PRDM14: variants seen among roughly 807,000 people sequenced by gnomAD.
The protein encoded by PRDM14 is PR/SET domain 14.
Under a neutral mutation model 48.0 loss-of-function variants are expected in PRDM14, and 16 were observed. That is an observed-to-expected ratio of 0.33 (90% confidence interval 0.23 to 0.51). The LOEUF is 0.51. Among genes scored for constraint, PRDM14 ranks in the 20% least tolerant of loss-of-function variants. PRDM14 has a pLI of 0.97. For synonymous variants in PRDM14, 264 were observed against 276.6 expected, an observed-to-expected ratio of 0.95 and a Z score of 0.45; for missense variants, 566 against 719.6, an observed-to-expected ratio of 0.79 and a Z score of 2.44.
chr8:70,063,589 T>C (rs577566839), intron 5 of PRDM14, among the ~76,000 whole-genome samples: 4 of 151,910 alleles, frequency 2.6e-5, no homozygotes, highest in African/African-American at 9.6e-5. Context: ...AGTGGCGCCA[T>C]CTCAGCTCAC....
chr8:70,053,134 C>T (rs1342169120), intron 7 of PRDM14, among the ~76,000 whole-genome samples: 1 of 144,644 alleles, frequency 6.9e-6, no homozygotes, highest in African/African-American at 2.5e-5. Context: ...GATTACCAAC[C>T]CCACCCAAGA....
chr8:70,062,386 T>G (rs1390328146), intron 5 of PRDM14, among the ~76,000 whole-genome samples: 3 of 152,246 alleles, frequency 2.0e-5, no homozygotes, highest in Non-Finnish European at 4.4e-5. Flanking sequence ...TCAGGTTTTT[T>G]TCGAACTTTG....
At chr8:70,066,550 G>A (rs1280078300) in intron 4 of PRDM14, 45 bp from the exon 5 acceptor site, 3 of 1,513,722 alleles carry the variant, frequency 2.0e-6, no homozygotes, top group Admixed American at 4.1e-5. Context: ...TTCTTTTTTG[G>A]TCTAATCTAT....
At chr8:70,061,252 G>C (rs1467758229) in intron 5 of PRDM14, among the ~76,000 whole-genome samples, 2 of 152,198 alleles carry the variant, frequency 1.3e-5, no homozygotes, top group Non-Finnish European at 2.9e-5. Context: ...AGAGGATAAA[G>C]TGGCTTTGAC....
chr8:70,068,621 G>C, intron 2 of PRDM14, 89 bp from the exon 3 acceptor site: 1 of 1,043,630 alleles, frequency 9.6e-7, no homozygotes, highest in Non-Finnish European at 1.5e-6. Context: ...TTCCCTAAAG[G>C]TAACCATCAT....
intron 1 of PRDM14, among the ~76,000 whole-genome samples, chr8:70,070,386 C>T (rs993253409): frequency 6.6e-6 from 1 of 152,152 alleles, no homozygotes; most frequent in Non-Finnish European, 1.5e-5. Flanking sequence ...CAGCTCCAGG[C>T]GCTCCTGGGC....
chr8:70,055,681 T>A (rs573406445), intron 6 of PRDM14, among the ~76,000 whole-genome samples: 16 of 151,644 alleles, frequency 1.1e-4, no homozygotes, highest in East Asian at 3.9e-4. Context: ...ACTTAAAAAA[T>A]TTTTTTTTGT....
intron 4 of PRDM14, among the ~76,000 whole-genome samples, chr8:70,067,900 A>T (rs1805698266): frequency 1.3e-5 from 2 of 152,150 alleles, no homozygotes. Context: ...TCTTTAGCAT[A>T]GTTTCAGCAC....
chr8:70,052,403 ATGG>A (rs1805402726), intron 7 of PRDM14, 99 bp from the exon 8 acceptor site: 2 of 957,710 alleles, frequency 2.1e-6, no homozygotes, highest in Admixed American at 4.8e-5. Flanking sequence ...GCTCATCCTT[ATGG>A]ACGAACCTTG....
At chr8:70,054,496 T>C (rs1175421285) in intron 7 of PRDM14, among the ~76,000 whole-genome samples, 3 of 151,094 alleles carry the variant, frequency 2.0e-5, no homozygotes, top group African/African-American at 4.9e-5. Flanking sequence ...TTTGTGTTCT[T>C]AAATACTATG....
intron 7 of PRDM14, among the ~76,000 whole-genome samples, chr8:70,052,833 C>T (rs1805409194): frequency 7.6e-6 from 1 of 131,440 alleles, no homozygotes; most frequent in Non-Finnish European, 1.5e-5. Context: ...CCACTGTACT[C>T]CAGCCTGGGT....
At chr8:70,054,085 G>T (rs1190915615) in intron 7 of PRDM14, among the ~76,000 whole-genome samples, 1 of 152,188 alleles carries the variant, frequency 6.6e-6, no homozygotes, top group Non-Finnish European at 1.5e-5. Flanking sequence ...TGCACATTGG[G>T]TAGCATAGAG....
At chr8:70,053,098 T>A (rs1453178235) in intron 7 of PRDM14, among the ~76,000 whole-genome samples, 2 of 82,150 alleles carry the variant, frequency 2.4e-5, no homozygotes, top group South Asian at 5.3e-4. Flanking sequence ...ACCCTCTCTT[T>A]AAAAAAAAAA....
At chr8:70,065,594 T>A (rs754650752) in intron 5 of PRDM14, among the ~76,000 whole-genome samples, 1 of 152,104 alleles carries the variant, frequency 6.6e-6, no homozygotes, top group Non-Finnish European at 1.5e-5. Context: ...CATTCCCACA[T>A]TAAAGTTTGA....
intron 4 of PRDM14, among the ~76,000 whole-genome samples, chr8:70,067,547 AAG>A (rs1805691222): frequency 6.6e-6 from 1 of 151,710 alleles, no homozygotes; most frequent in African/African-American, 2.4e-5. Flanking sequence ...AAAAAAAACA[AAG>A]AAAGATTACT....
intron 5 of PRDM14, among the ~76,000 whole-genome samples, chr8:70,061,935 C>T (rs1805588724): frequency 6.6e-6 from 1 of 152,126 alleles, no homozygotes; most frequent in East Asian, 1.9e-4. Flanking sequence ...CCTCACCACT[C>T]AAGACCTTAA....
chr8:70,064,507 A>G (rs1207698399), intron 5 of PRDM14, among the ~76,000 whole-genome samples: 14 of 150,976 alleles, frequency 9.3e-5, no homozygotes, highest in African/African-American at 3.4e-4. Flanking sequence ...GAAAACAGGC[A>G]TGCAGATGCA....
chr8:70,053,436 G>A (rs1040414932), intron 7 of PRDM14, among the ~76,000 whole-genome samples: 6 of 152,042 alleles, frequency 3.9e-5, no homozygotes, highest in Non-Finnish European at 8.8e-5. Context: ...CATCACCCAG[G>A]TTGGAGTGCA....
chr8:70,069,237 C>A lies in PRDM14; in HGVS notation c.624G>T (p.Gly208=), dbSNP rs774727806. Reference sequence around the variant, plus strand: ...CTGGGTGCTCCAGGCTGGGAGTGACCCCGTACAGAACGAAGTGCAGGTCCT... The same window carrying A: ...CTGGGTGCTCCAGGCTGGGAGTGACACCGTACAGAACGAAGTGCAGGTCCT... The part of the protein sequence containing the change: ...TEEDLHFVLY[G]VTPSLEHPAS... Residue 208 remains glycine (G), a synonymous_variant, in exon 2 of 8, where the codon GGG becomes GGT. Coordinates refer to ENST00000276594, the MANE Select transcript of PRDM14 (RefSeq NM_024504.4). The A allele has an allele frequency of 1.3e-6, 2 of 1,597,278 alleles. No homozygotes were observed. The highest frequency in any genetic ancestry group is 3.4e-5 in the Admixed American group (2 of 58,610).
Sources: gnomAD v4.1 joint callset for allele counts (sites outside exome capture counted in the v4.1 genomes callset) on GRCh38, gnomAD v4.1.1 for gene constraint, MANE v1.5 for transcripts, NCBI Gene and HGNC (gene_info 2026-07-23, HGNC 2026-07-21) for gene names.